ZFAND6: variants seen among roughly 807,000 people sequenced by gnomAD.
ZFAND6 encodes AN1-type zinc finger protein 6.
A neutral mutation model predicts 24.5 loss-of-function variants in ZFAND6; 12 were observed. The observed-to-expected ratio is 0.49, with a 90% CI of 0.31 to 0.79. ZFAND6 has a LOEUF of 0.79. Ranked by LOEUF, ZFAND6 falls within the 30% of genes least tolerant of loss-of-function variation. The probability of loss-of-function intolerance (pLI) is 0.04; values close to 1 mark genes in which losing one functional copy is unlikely to be tolerated. For missense variants in ZFAND6, 207 were observed against 245.9 expected (o/e 0.84, Z 1.06); for synonymous variants, 92 against 81.5 (o/e 1.13, Z -0.69).
Position 80,137,771 on chromosome 15 carries a change from A to C in ZFAND6, c.*143A>C, listed in dbSNP as rs2040927739. The stretch of plus-strand genomic sequence containing the variant: ...AGATTTTTGTTTTGGTTTTGTTTTG[A>C]AAATGACTCTGAACATTTATTTCCA... On this transcript the variant is annotated 3_prime_UTR_variant, in exon 7 of 7. Transcript: ENST00000261749. 1.2e-6 allele frequency: 1 copy of C among 837,638 alleles called. No homozygotes were observed. The highest frequency in any genetic ancestry group is 1.7e-6 in the Non-Finnish European group (1 of 589,760). 51.9% of individuals were successfully genotyped at this position (837,638 alleles called of 1,614,324 possible).
Position 80,060,245 on chromosome 15 carries a change from C to T in ZFAND6, c.-181+436C>T, listed in dbSNP as rs369660483. On this transcript the variant is annotated intron_variant, in intron 1 of 6. Transcript: ENST00000261749. ...TCAGTTCCCCGCCTCCTCCGAGTCT[C>T]AGGTCCTCTTCGGGATGTTTTTCCA... 7.2e-5 allele frequency: 11 copies of T among 152,248 alleles called. No individual in the cohort carries two copies. In the East Asian group the frequency reaches 1.8e-3, roughly 24 times the overall value. The allele number at this position is 152,248 out of a possible 1,614,324, so 9.4% of individuals were successfully genotyped here.
intron 2 of ZFAND6, among the ~76,000 whole-genome samples, chr15:80,107,534 G>GTTTTA (rs2039395298): frequency 6.6e-6 from 1 of 151,996 alleles, no homozygotes; most frequent in Admixed American, 6.6e-5. Context: ...TTGTTATTAT[G>GTTTTA]AAAATAGGGG....
intron 1 of ZFAND6, among the ~76,000 whole-genome samples, chr15:80,079,463 G>T (rs909679336): frequency 6.6e-6 from 1 of 151,180 alleles, no homozygotes; most frequent in Non-Finnish European, 1.5e-5. Context: ...CTCATGATCC[G>T]CCCACCTCGG....
chr15:80,135,235 TATA>T (rs1378817204), intron 6 of ZFAND6, among the ~76,000 whole-genome samples: 2 of 152,232 alleles, frequency 1.3e-5, no homozygotes, highest in Non-Finnish European at 2.9e-5. Context: ...CTTACTTTAT[TATA>T]AGAATACATT....
intron 2 of ZFAND6, among the ~76,000 whole-genome samples, chr15:80,108,739 T>G (rs1344525740): frequency 6.6e-6 from 1 of 151,288 alleles, no homozygotes; most frequent in Non-Finnish European, 1.5e-5. Flanking sequence ...TTTTTTGTTT[T>G]TTTTCTTTTT....
In ZFAND6 at chr15:80,091,073, G is replaced by C. The variant is rs80109365; in HGVS notation, c.-180-7343G>C. Among the ~76,000 whole-genome samples the C allele has an allele frequency of 6.9e-3, 1,056 of 152,086 alleles. 13 individuals are homozygous for C. The highest frequency in any genetic ancestry group is 0.024 in the African/African-American group (983 of 41,476). On this transcript the variant is annotated intron_variant, in intron 1 of 6. Coordinates refer to ENST00000261749, the MANE Select transcript of ZFAND6 (RefSeq NM_019006.4). ...GGTCACCATAGGTGTTACTTGACTTGGCCACTAGGAGGAAGAGAAGTTGCC... is the reference window on the plus strand; with the variant it reads ...GGTCACCATAGGTGTTACTTGACTTCGCCACTAGGAGGAAGAGAAGTTGCC...
At chr15:80,126,998 G>A (rs1036166347) in intron 5 of ZFAND6, among the ~76,000 whole-genome samples, 2 of 151,960 alleles carry the variant, frequency 1.3e-5, no homozygotes, top group Non-Finnish European at 2.9e-5. Flanking sequence ...CAGCTACTGG[G>A]TAGGGAGGCT....
chr15:80,135,597 A>T (rs913488857), intron 6 of ZFAND6, among the ~76,000 whole-genome samples: 3 of 152,240 alleles, frequency 2.0e-5, no homozygotes, highest in African/African-American at 7.2e-5. Flanking sequence ...CTGGTTAAGG[A>T]ATGGTTTGGA....
chr15:80,088,481 G>T (rs2038139297), intron 1 of ZFAND6, among the ~76,000 whole-genome samples: 1 of 152,162 alleles, frequency 6.6e-6, no homozygotes, highest in African/African-American at 2.4e-5. Flanking sequence ...CAGGAGAATT[G>T]CTTGAACCCG....
At chr15:80,084,506 C>T (rs11638349) in intron 1 of ZFAND6, among the ~76,000 whole-genome samples, 1 of 152,114 alleles carries the variant, frequency 6.6e-6, no homozygotes, top group African/African-American at 2.4e-5. Flanking sequence ...GGAGGAGGGC[C>T]TAAACCAGAT....
At chr15:80,087,163 G>A (rs2038055897) in intron 1 of ZFAND6, among the ~76,000 whole-genome samples, 2 of 152,118 alleles carry the variant, frequency 1.3e-5, no homozygotes, top group Admixed American at 1.3e-4. Context: ...GTTCTTTGTG[G>A]GTAGAAACCT....
chr15:80,136,733 T>TG (rs1467478475), intron 6 of ZFAND6, among the ~76,000 whole-genome samples: 3 of 152,222 alleles, frequency 2.0e-5, no homozygotes, highest in Admixed American at 6.5e-5. Context: ...AATTCTAATT[T>TG]GGGGGAGCAG....
At chr15:80,064,182 G>A (rs1380882511) in intron 1 of ZFAND6, among the ~76,000 whole-genome samples, 1 of 151,862 alleles carries the variant, frequency 6.6e-6, no homozygotes, top group Non-Finnish European at 1.5e-5. Context: ...TGTTTCTTTC[G>A]GATCTAGTCT....
At chr15:80,088,828 G>A (rs1407662021) in intron 1 of ZFAND6, among the ~76,000 whole-genome samples, 2 of 152,090 alleles carry the variant, frequency 1.3e-5, no homozygotes, top group Non-Finnish European at 2.9e-5. Context: ...CTCCTTAGTT[G>A]CACTAGCTCC....
At chr15:80,087,775 A>G (rs2038090526) in intron 1 of ZFAND6, among the ~76,000 whole-genome samples, 1 of 152,194 alleles carries the variant, frequency 6.6e-6, no homozygotes, top group Non-Finnish European at 1.5e-5. Context: ...AGGAGCTTTC[A>G]TACATCGTTT....
At chr15:80,091,795 A>G (rs1402032776) in intron 1 of ZFAND6, among the ~76,000 whole-genome samples, 1 of 152,068 alleles carries the variant, frequency 6.6e-6, no homozygotes. Flanking sequence ...ACGTGACGCC[A>G]TGCCTGGCTA....
intron 1 of ZFAND6, among the ~76,000 whole-genome samples, chr15:80,073,518 A>G (rs1780465828): frequency 6.6e-6 from 1 of 151,980 alleles, no homozygotes; most frequent in African/African-American, 2.4e-5. Flanking sequence ...ACCAAAAGCC[A>G]GCTAAGCATT....
intron 5 of ZFAND6, among the ~76,000 whole-genome samples, chr15:80,125,589 T>A (rs1028266278): frequency 4.6e-5 from 7 of 152,246 alleles, no homozygotes; most frequent in African/African-American, 1.4e-4. Flanking sequence ...GTTTCTTAGT[T>A]GTTCTTTTTG....
chr15:80,121,973 T>C (rs2040166845), intron 4 of ZFAND6, among the ~76,000 whole-genome samples, 153 bp downstream of exon 4: 1 of 152,248 alleles, frequency 6.6e-6, no homozygotes, highest in African/African-American at 2.4e-5. Context: ...GAAAAAGCGA[T>C]TTCTTGCTTT....
Sources: allele counts gnomAD v4.1 joint callset (sites outside exome capture counted in the v4.1 genomes callset), GRCh38; gene constraint gnomAD v4.1.1; transcripts MANE v1.5; gene names NCBI Gene and HGNC (gene_info 2026-07-23, HGNC 2026-07-21).